SACS: variants seen among roughly 807,000 people sequenced by gnomAD.
The protein encoded by SACS is sacsin.
Under a neutral mutation model 348.0 loss-of-function variants are expected in SACS, and 197 were observed. The observed-to-expected ratio is 0.57, with a 90% CI of 0.50 to 0.64. The LOEUF (loss-of-function observed/expected upper bound fraction) is 0.64, where lower values mean the gene tolerates loss of function less well. Ranked by LOEUF, SACS falls within the 30% of genes least tolerant of loss-of-function variation. The pLI, the probability that SACS is intolerant of heterozygous loss-of-function variation, is 0.00. For missense variants in SACS, 4,999 were observed against 5,360.8 expected, an observed-to-expected ratio of 0.93 and a Z score of 2.11; for synonymous variants, 1,985 against 1,910.6, an observed-to-expected ratio of 1.04 and a Z score of -1.02.
At chr13:23,406,885 C>T (rs979363542) in intron 2 of SACS, among the ~76,000 whole-genome samples, 12 of 151,692 alleles carry the variant, frequency 7.9e-5, no homozygotes, top group Admixed American at 3.3e-4. Flanking sequence ...TTTTATGCTT[C>T]AATCTACAGC....
intron 5 of SACS, among the ~76,000 whole-genome samples, chr13:23,368,146 C>T (rs1282592009): frequency 6.6e-6 from 1 of 152,014 alleles, no homozygotes; most frequent in Non-Finnish European, 1.5e-5. Flanking sequence ...GAGAACATTC[C>T]CGGAGCGACA....
chr13:23,376,081 T>A (rs1273811704), intron 2 of SACS, among the ~76,000 whole-genome samples: 1 of 151,974 alleles, frequency 6.6e-6, no homozygotes, highest in African/African-American at 2.4e-5. Flanking sequence ...GATCAGTGGC[T>A]CAGTTTGCTG....
At chr13:23,423,469 T>C (rs1297354610) in intron 1 of SACS, among the ~76,000 whole-genome samples, 1 of 152,246 alleles carries the variant, frequency 6.6e-6, no homozygotes, top group Non-Finnish European at 1.5e-5. Flanking sequence ...TAGGATGCAC[T>C]GTTTTATATC....
At chr13:23,387,086 C>A (rs1428229020) in intron 2 of SACS, among the ~76,000 whole-genome samples, 1 of 152,072 alleles carries the variant, frequency 6.6e-6, no homozygotes, top group Non-Finnish European at 1.5e-5. Context: ...CAGAGACACG[C>A]TAACGGAGCA....
At position 23,333,871 on chromosome 13, in the gene SACS, G is replaced by A; in HGVS notation, c.10005C>T (p.Asn3335=). The change falls in exon 10 of 10, where the codon AAC becomes AAT. Residue 3335 remains asparagine (N), a synonymous_variant. Transcript: ENST00000382292. ...ATGCACTGTCTTTGGAACAGATTTT[G>A]TTCAAAGCAAGCTGAATACAGCCAG... is the stretch of plus-strand genomic sequence containing the variant. ...MKAGCIQLAL[N]KICSKDSAFV... 1 of 1,613,770 alleles carries A rather than the reference G, an allele frequency of 6.2e-7. No individual in the cohort carries two copies. Among genetic ancestry groups the A allele is most frequent in the Non-Finnish European group, 8.5e-7 (1 of 1,179,818 alleles).
rs762321054 is a variant in SACS at position 23,358,456 on chromosome 13, G to A, written c.483C>T (p.Asn161=). 25 of 1,613,966 alleles carry A rather than the reference G, an allele frequency of 1.5e-5. No individual in the cohort carries two copies. Among genetic ancestry groups the A allele is most frequent in the Admixed American group, 3.3e-5 (2 of 59,988 alleles). The stretch of plus-strand genomic sequence containing the variant: ...GCCAGTCCTCTGGGGTGAAAACCGC[G>A]TTGTTGTACACATAGAGAGCTGGCC... The part of the protein sequence containing the change: ...YQGPALYVYN[N]AVFTPEDWHG... Residue 161 remains asparagine, a synonymous_variant, in exon 7 of 10, where the codon AAC becomes AAT. Coordinates refer to ENST00000382292, the MANE Select transcript of SACS (RefSeq NM_014363.6).
intron 2 of SACS, among the ~76,000 whole-genome samples, chr13:23,375,825 T>G (rs1471312210): frequency 6.9e-6 from 1 of 144,172 alleles, no homozygotes; most frequent in East Asian, 2.4e-4. Flanking sequence ...GCAAACCCAA[T>G]AAGGGTATAC....
Position 23,336,514 on chromosome 13 carries a change from T to C in SACS, c.7362A>G (p.Pro2454=), listed in dbSNP as rs2137601099. The C allele has an allele frequency of 6.2e-7, 1 of 1,614,012 alleles. No individual in the cohort carries two copies. The highest frequency in any genetic ancestry group is 2.2e-5 in the East Asian group (1 of 44,880). ...CEKNYGKILL[P]DTNLMLLPAK... ...CAGGGAGAAGCATAAGATTAGTATC[T>C]GGCAATAATATCTTGCCATAATTTT... is the stretch of plus-strand genomic sequence containing the variant. Residue 2454 remains proline, a synonymous_variant, in exon 10 of 10, where the codon CCA becomes CCG. Coordinates refer to ENST00000382292, the MANE Select transcript of SACS (RefSeq NM_014363.6).
At chr13:23,342,377 T>C (rs1184982811) in intron 9 of SACS, among the ~76,000 whole-genome samples, 4 of 152,162 alleles carry the variant, frequency 2.6e-5, no homozygotes. Flanking sequence ...AAAATGCAGA[T>C]AAAATTTATA....
At chr13:23,377,706 C>T (rs1236543632) in intron 2 of SACS, among the ~76,000 whole-genome samples, 2 of 152,132 alleles carry the variant, frequency 1.3e-5, no homozygotes, top group African/African-American at 2.4e-5. Flanking sequence ...ACCTCAGCCC[C>T]AGCATCTGTG....
At chr13:23,429,137 A>G (rs1296835438) in intron 1 of SACS, among the ~76,000 whole-genome samples, 1 of 152,190 alleles carries the variant, frequency 6.6e-6, no homozygotes, top group African/African-American at 2.4e-5. Context: ...GAAATTTTAA[A>G]AATAGATTAT....
At chr13:23,417,992 C>G (rs1225510194) in intron 1 of SACS, among the ~76,000 whole-genome samples, 1 of 150,972 alleles carries the variant, frequency 6.6e-6, no homozygotes, top group African/African-American at 2.4e-5. Context: ...TCACTTGAGC[C>G]CAGGAGGCAG....
intron 1 of SACS, among the ~76,000 whole-genome samples, chr13:23,418,060 C>CA (rs34026983): frequency 0.19 from 22,163 of 118,934 alleles, 1,982 homozygotes; most frequent in African/African-American, 0.22. Context: ...GATTCTGTCT[C>CA]AAAAAAAAAA....
At chr13:23,407,855 A>G (rs1253521521) in intron 2 of SACS, among the ~76,000 whole-genome samples, 3 of 152,010 alleles carry the variant, frequency 2.0e-5, no homozygotes, top group Non-Finnish European at 2.9e-5. Flanking sequence ...TCACCTCCAC[A>G]TCCCATCGGA....
intron 2 of SACS, among the ~76,000 whole-genome samples, chr13:23,390,441 C>A (rs1254763202): frequency 6.6e-6 from 1 of 152,186 alleles, no homozygotes; most frequent in African/African-American, 2.4e-5. Context: ...AGGCACATTG[C>A]TTGAGTTCAG....
At position 23,337,046 on chromosome 13, in the gene SACS, G is replaced by A; in HGVS notation, c.6830C>T (p.Ala2277Val). 2 of 1,613,956 alleles carry A rather than the reference G, an allele frequency of 1.2e-6. No individual in the cohort carries two copies. The highest frequency in any genetic ancestry group is 1.7e-6 in the Non-Finnish European group (2 of 1,179,896). Residue 2277 changes from alanine (A) to valine (V), a missense_variant, in exon 10 of 10, where the codon GCT (alanine) becomes GTT (valine). This residue lies in a region of SACS where 3,156 missense variants were observed against 3,380.1 expected (regional missense o/e 0.93). Transcript: ENST00000382292. Reference protein sequence around the residue: ...SFRGCGSVSLAVKEFLGLLKK... With the variant: ...SFRGCGSVSLVVKEFLGLLKK... ...GAGTAATCCCAAAAACTCTTTAACA[G>A]CCAATGACACTGAACCACAACCTCT...
chr13:23,427,593 A>C (rs1437866488), intron 1 of SACS: 1 of 152,264 alleles, frequency 6.6e-6, no homozygotes, highest in Non-Finnish European at 1.5e-5. Flanking sequence ...CACAGTTTCA[A>C]ACAGGAACAG....
chr13:23,417,361 A>G (rs979087833), intron 1 of SACS, among the ~76,000 whole-genome samples: 1 of 152,260 alleles, frequency 6.6e-6, no homozygotes, highest in Non-Finnish European at 1.5e-5. Context: ...CTTAAGAAGA[A>G]GAGGGAAGAC....
chr13:23,387,211 G>A (rs1872324907), intron 2 of SACS, among the ~76,000 whole-genome samples: 1 of 152,042 alleles, frequency 6.6e-6, no homozygotes, highest in Non-Finnish European at 1.5e-5. Context: ...TGTAATCCCA[G>A]CACTTTGGGA....
Sources: gnomAD v4.1 joint callset for allele counts (sites outside exome capture counted in the v4.1 genomes callset) on GRCh38, gnomAD v4.1.1 for gene constraint, gnomAD v4.1.1 regional missense constraint, MANE v1.5 for transcripts, NCBI Gene and HGNC (gene_info 2026-07-23, HGNC 2026-07-21) for gene names.